Variants in RAD51C observed in about 807,000 individuals in gnomAD.
RAD51C encodes RAD51 paralog C.
A neutral mutation model predicts 45.0 loss-of-function variants in RAD51C; 42 were observed. The ratio of observed to expected loss-of-function variants is 0.93; its 90% CI spans 0.73 to 1.21. The LOEUF (loss-of-function observed/expected upper bound fraction) is 1.21. RAD51C is among the 50% of genes most tolerant of loss of function. RAD51C has a pLI of 0.00. For missense variants in RAD51C, 474 were observed against 452.2 expected (o/e 1.05, Z -0.44); for synonymous variants, 172 against 159.8 (o/e 1.08, Z -0.58).
intron 7 of RAD51C, among the ~76,000 whole-genome samples, chr17:58,725,821 C>G (rs2143976018): frequency 6.6e-6 from 1 of 152,004 alleles, no homozygotes; most frequent in South Asian, 2.1e-4. Flanking sequence ...GGTGAAACCC[C>G]ATCTCTACTA....
At chr17:58,699,301 C>T (rs550582165) in intron 3 of RAD51C, among the ~76,000 whole-genome samples, 8 of 152,214 alleles carry the variant, frequency 5.3e-5, no homozygotes, top group East Asian at 3.9e-4. Flanking sequence ...CTACAGCGCC[C>T]GGCCTATTGT....
chr17:58,715,858 A>T (rs929053829), intron 5 of RAD51C, among the ~76,000 whole-genome samples: 3 of 152,140 alleles, frequency 2.0e-5, no homozygotes, highest in Non-Finnish European at 4.4e-5. Flanking sequence ...TAATCCCAGC[A>T]CTTTGGGAGG....
At chr17:58,734,071 T>C in intron 8 of RAD51C, 47 bp from the exon 9 acceptor site, 1 of 1,572,568 alleles carries the variant, frequency 6.4e-7, no homozygotes, top group Non-Finnish European at 8.6e-7. Flanking sequence ...AGATCAGTCT[T>C]CAAATGTTCT....
intron 4 of RAD51C, among the ~76,000 whole-genome samples, chr17:58,704,946 A>G (rs1215791664): frequency 3.3e-5 from 5 of 151,360 alleles, no homozygotes; most frequent in Non-Finnish European, 7.4e-5. Flanking sequence ...TCTGACTAAC[A>G]TGGCAAAACC....
intron 6 of RAD51C, among the ~76,000 whole-genome samples, chr17:58,721,550 G>T (rs765503039): frequency 4.3e-4 from 65 of 151,648 alleles, no homozygotes; most frequent in Admixed American, 1.7e-3. Context: ...ACCTGAGGTC[G>T]GGAGTTTGAG....
chr17:58,733,865 T>C (rs947156100), intron 8 of RAD51C, among the ~76,000 whole-genome samples: 3 of 152,038 alleles, frequency 2.0e-5, no homozygotes, highest in Admixed American at 6.6e-5. Flanking sequence ...ACTAGAGGTG[T>C]GTGCCACCAT....
intron 5 of RAD51C, among the ~76,000 whole-genome samples, chr17:58,719,554 C>T (rs961140627): frequency 6.6e-6 from 1 of 151,772 alleles, no homozygotes; most frequent in Non-Finnish European, 1.5e-5. Context: ...GTGGCAAACA[C>T]CTCTAGTCCC....
intron 7 of RAD51C, among the ~76,000 whole-genome samples, chr17:58,727,952 G>C (rs1300991371): frequency 6.7e-6 from 1 of 149,984 alleles, no homozygotes; most frequent in Non-Finnish European, 1.5e-5. Flanking sequence ...AAAAAAAAAA[G>C]TTACATGAGG....
At chr17:58,721,050 C>T (rs964294256) in intron 6 of RAD51C, among the ~76,000 whole-genome samples, 10 of 152,010 alleles carry the variant, frequency 6.6e-5, no homozygotes, top group Admixed American at 3.9e-4. Context: ...CTTGGGAGGC[C>T]GAGGCGGATC....
At chr17:58,710,210 G>A (rs1399918576) in intron 5 of RAD51C, among the ~76,000 whole-genome samples, 2 of 151,414 alleles carry the variant, frequency 1.3e-5, no homozygotes, top group African/African-American at 2.4e-5. Flanking sequence ...GGTTGAGCGC[G>A]GTAGCTCGTG....
intron 5 of RAD51C, 99 bp from the exon 6 acceptor site, chr17:58,720,647 A>T (rs1216476881): frequency 1.1e-6 from 1 of 877,400 alleles, no homozygotes; most frequent in East Asian, 2.7e-5. Context: ...TAATTTTTGT[A>T]TTTTTAGTAG....
intron 3 of RAD51C, among the ~76,000 whole-genome samples, chr17:58,700,427 T>C (rs2048173188): frequency 6.6e-6 from 1 of 151,996 alleles, no homozygotes; most frequent in Non-Finnish European, 1.5e-5. Flanking sequence ...ATATAAAGTT[T>C]TTATTTTTAT....
At chr17:58,711,057 GC>G (rs1195152983) in intron 5 of RAD51C, among the ~76,000 whole-genome samples, 1 of 151,478 alleles carries the variant, frequency 6.6e-6, no homozygotes, top group Non-Finnish European at 1.5e-5. Flanking sequence ...AATTTTTTTT[GC>G]CATATGCTGA....
chr17:58,719,930 G>A (rs956364165), intron 5 of RAD51C, among the ~76,000 whole-genome samples: 3 of 150,530 alleles, frequency 2.0e-5, no homozygotes, highest in South Asian at 4.2e-4. Flanking sequence ...GGGTTTCACC[G>A]TGTTAGCCAG....
rs2047958982 is a variant in RAD51C, at chr17:58,695,174, G to C, written c.389G>C (p.Gly130Ala). 1.2e-6 allele frequency: 2 copies of C among 1,611,256 alleles called. No individual in the cohort carries two copies. The highest frequency in any genetic ancestry group is 4.5e-5 in the East Asian group (2 of 44,832). Reference protein sequence around the residue: ...TTEICGAPGVGKTQLCMQLAV... With the variant: ...TTEICGAPGVAKTQLCMQLAV... ...GAAATTTGTGGTGCACCAGGTGTTG[G>C]AAAAACACAATTATGGTAAAATAAA... The change falls in exon 2 of 9, where the codon GGA becomes GCA. Residue 130 changes from glycine (G) to alanine (A), a missense_variant. Physicochemically the swap from Gly to Ala is moderately conservative, Grantham distance 60 (BLOSUM62 0). Coordinates refer to ENST00000337432, the MANE Select transcript of RAD51C (RefSeq NM_058216.3).
chr17:58,696,581 T>C (rs1375009836), intron 2 of RAD51C, 112 bp from the exon 3 acceptor site: 1 of 1,262,576 alleles, frequency 7.9e-7, no homozygotes, highest in Non-Finnish European at 1.2e-6. Context: ...TTGGGGAGTA[T>C]ATTTACATTT....
rs1302297709 is a variant in RAD51C, at chr17:58,703,319, A to G, written c.695A>G (p.Glu232Gly). 1 of 1,612,172 alleles carries G rather than the reference A, an allele frequency of 6.2e-7. No individual in the cohort carries two copies. Residue 232 changes from glutamate to glycine, a missense_variant, in exon 4 of 9, where the codon GAA (glutamate) becomes GGA (glycine). By Grantham distance (98) the Glu-to-Gly change is moderately conservative (BLOSUM62 -2). Coordinates refer to ENST00000337432, the MANE Select transcript of RAD51C (RefSeq NM_058216.3). The stretch of plus-strand genomic sequence containing the variant: ...TATCTTCTTCCAGATTTCCTTTCAG[A>G]ACACTCAAAGGTATGAGTCAGACTA... ...QVYLLPDFLSEHSKVRLVIVD... is the reference protein window; with the variant it reads ...QVYLLPDFLSGHSKVRLVIVD...
At chr17:58,705,729 T>TA (rs1008348169) in intron 4 of RAD51C, 1 of 152,156 alleles carries the variant, frequency 6.6e-6, no homozygotes, top group Non-Finnish European at 1.5e-5. Flanking sequence ...TTTCTCCACA[T>TA]ACATTCACAT....
chr17:58,721,065 G>C (rs553324640), intron 6 of RAD51C, among the ~76,000 whole-genome samples: 2 of 152,110 alleles, frequency 1.3e-5, no homozygotes, highest in African/African-American at 2.4e-5. Flanking sequence ...CGGATCACTT[G>C]AGGCCAGGAG....
Sources: allele counts gnomAD v4.1 joint callset (sites outside exome capture counted in the v4.1 genomes callset), GRCh38; gene constraint gnomAD v4.1.1; transcripts MANE v1.5; gene names NCBI Gene and HGNC (gene_info 2026-07-23, HGNC 2026-07-21).